Variants in ABHD17B observed in about 807,000 individuals in gnomAD.
ABHD17B encodes abhydrolase domain containing 17B, depalmitoylase.
Under a neutral mutation model 26.2 loss-of-function variants are expected in ABHD17B, and 9 were observed. That is an observed-to-expected ratio of 0.34 (90% confidence interval 0.21 to 0.60). ABHD17B has a LOEUF of 0.60. ABHD17B is among the 20% of genes least tolerant of loss of function. ABHD17B has a pLI of 0.80. For missense variants in ABHD17B, 224 were observed against 352.1 expected (o/e 0.64, Z 2.91); for synonymous variants, 127 against 122.3 (o/e 1.04, Z -0.25).
chr9:71,866,597 C>G lies in ABHD17B; in HGVS notation c.*190G>C. On this transcript the variant is annotated 3_prime_UTR_variant, in exon 4 of 4. Coordinates refer to ENST00000333421, the MANE Select transcript of ABHD17B (RefSeq NM_001025780.3). ...ATATAAATTACACAGCCTGACTGCA[C>G]GGTACTGTTATTTCCAGTTTTTAGT... The G allele has an allele frequency of 1.4e-6, 2 of 1,415,822 alleles. No individual in the cohort carries two copies. Among genetic ancestry groups the G allele is most frequent in the Non-Finnish European group, 1.8e-6 (2 of 1,089,608 alleles). The allele number at this position is 1,415,822 out of a possible 1,614,324, so 87.7% of individuals were successfully genotyped here.
At chr9:71,862,654 ATC>A, downstream of ABHD17B, 1 of 856,656 alleles carries the variant, frequency 1.2e-6, no homozygotes, top group Non-Finnish European at 2.0e-6. Context: ...AGTTTTCATA[ATC>A]TGAGTTTATG....
intron 1 of ABHD17B, among the ~76,000 whole-genome samples, chr9:71,899,715 C>T (rs1047921176): frequency 2.6e-5 from 4 of 152,146 alleles, no homozygotes; most frequent in Admixed American, 2.0e-4. Flanking sequence ...AAATAATGCA[C>T]TATGAGACAT....
At chr9:71,873,340 T>G (rs992981738) in intron 2 of ABHD17B, among the ~76,000 whole-genome samples, 4 of 152,198 alleles carry the variant, frequency 2.6e-5, no homozygotes. Context: ...TGTATGCTGC[T>G]ATAATCAAAG....
intron 1 of ABHD17B, among the ~76,000 whole-genome samples, chr9:71,887,061 G>T (rs1048144509): frequency 2.6e-5 from 4 of 152,024 alleles, no homozygotes; most frequent in Non-Finnish European, 4.4e-5. Flanking sequence ...TGTGGGTTTT[G>T]TTGGGGTAAA....
At chr9:71,885,591 GA>G (rs1395202571) in intron 1 of ABHD17B, among the ~76,000 whole-genome samples, 1 of 151,960 alleles carries the variant, frequency 6.6e-6, no homozygotes, top group African/African-American at 2.4e-5. Flanking sequence ...AAAATTGTAT[GA>G]AATAATAATT....
intron 1 of ABHD17B, among the ~76,000 whole-genome samples, chr9:71,908,648 C>A (rs181270287): frequency 1.3e-5 from 2 of 152,252 alleles, no homozygotes; most frequent in East Asian, 3.9e-4. Flanking sequence ...AATCTTAATA[C>A]GGAAGAAATT....
chr9:71,885,753 G>A (rs1449191104), intron 1 of ABHD17B, among the ~76,000 whole-genome samples: 2 of 151,978 alleles, frequency 1.3e-5, no homozygotes, highest in Admixed American at 6.6e-5. Flanking sequence ...CTCTTCTAAC[G>A]TAAGAAATTA....
chr9:71,904,000 T>C (rs968165315), intron 1 of ABHD17B, among the ~76,000 whole-genome samples: 2 of 152,096 alleles, frequency 1.3e-5, no homozygotes, highest in Non-Finnish European at 2.9e-5. Flanking sequence ...GGAACACAGG[T>C]TTCACTTAAA....
chr9:71,897,803 C>G (rs193050396), intron 1 of ABHD17B, among the ~76,000 whole-genome samples: 2 of 152,318 alleles, frequency 1.3e-5, no homozygotes, highest in Admixed American at 1.3e-4. Context: ...ATCTCTACCA[C>G]TTCCTTTTCC....
chr9:71,896,190 C>T (rs190039255), intron 1 of ABHD17B, among the ~76,000 whole-genome samples: 234 of 152,326 alleles, frequency 1.5e-3, no homozygotes, highest in Non-Finnish European at 2.7e-3. Flanking sequence ...TCTTAATCTA[C>T]TCATATCTTG....
At chr9:71,887,678 A>C (rs1826653461) in intron 1 of ABHD17B, among the ~76,000 whole-genome samples, 1 of 152,232 alleles carries the variant, frequency 6.6e-6, no homozygotes, top group South Asian at 2.1e-4. Flanking sequence ...CAGACAATCC[A>C]GAACAAACAG....
intron 1 of ABHD17B, among the ~76,000 whole-genome samples, chr9:71,877,051 T>C (rs1826297843): frequency 6.6e-6 from 1 of 152,226 alleles, no homozygotes; most frequent in Non-Finnish European, 1.5e-5. Context: ...AGTGTTGTGC[T>C]GAGAATGATT....
At chr9:71,904,862 A>C (rs1468577166) in intron 1 of ABHD17B, among the ~76,000 whole-genome samples, 1 of 152,220 alleles carries the variant, frequency 6.6e-6, no homozygotes, top group Admixed American at 6.5e-5. Context: ...AACATAAAAA[A>C]TTACCTAATT....
Position 71,865,928 on chromosome 9 carries a change from C to T in ABHD17B, c.*859G>A. 1.0e-6 allele frequency: 1 copy of T among 985,380 alleles called. No individual in the cohort carries two copies. Among genetic ancestry groups the T allele is most frequent in the Non-Finnish European group, 1.2e-6 (1 of 829,914 alleles). The allele number at this position is 985,380 out of a possible 1,614,324, so 61.0% of individuals were successfully genotyped here. Reference sequence around the variant, plus strand: ...CCAGTCTGTTAGTGGTCTTTAAGATCAACTCATGGACTTTCGGGATTTCAT... The same window carrying T: ...CCAGTCTGTTAGTGGTCTTTAAGATTAACTCATGGACTTTCGGGATTTCAT... On this transcript the variant is annotated 3_prime_UTR_variant, in exon 4 of 4. Coordinates refer to ENST00000333421, the MANE Select transcript of ABHD17B (RefSeq NM_001025780.3).
intron 1 of ABHD17B, among the ~76,000 whole-genome samples, chr9:71,883,641 A>C (rs190216586): frequency 1.2e-4 from 19 of 152,214 alleles, no homozygotes; most frequent in African/African-American, 4.1e-4. Context: ...ATTTCTCTTA[A>C]ATGAAAAATG....
chr9:71,869,721 C>T lies in ABHD17B; in HGVS notation c.647+362G>A, dbSNP rs905119458. On this transcript the variant is annotated intron_variant, in intron 3 of 3. Coordinates refer to ENST00000333421, the MANE Select transcript of ABHD17B (RefSeq NM_001025780.3). ...ACTGGATGGCCCTATCCATTAGCACCTCAGGGCAGAAACATGGTAGTCATG... is the reference window on the plus strand; with the variant it reads ...ACTGGATGGCCCTATCCATTAGCACTTCAGGGCAGAAACATGGTAGTCATG... 2.0e-5 allele frequency among the ~76,000 whole-genome samples: 3 copies of T among 152,110 alleles called. No homozygotes were observed. In the South Asian group the frequency reaches 6.2e-4, roughly 32 times the overall value.
intron 1 of ABHD17B, among the ~76,000 whole-genome samples, chr9:71,908,932 T>G (rs1167776580): frequency 2.0e-5 from 3 of 152,098 alleles, no homozygotes; most frequent in African/African-American, 7.2e-5. Context: ...GTGCCTGGAG[T>G]TGTAGACCAA....
chr9:71,901,800 A>C (rs1201884755), intron 1 of ABHD17B, among the ~76,000 whole-genome samples: 1 of 152,142 alleles, frequency 6.6e-6, no homozygotes, highest in Admixed American at 6.6e-5. Flanking sequence ...CTTTTCAATG[A>C]ATGTTATAAA....
At chr9:71,890,077 C>G (rs1445972317) in intron 1 of ABHD17B, among the ~76,000 whole-genome samples, 1 of 151,884 alleles carries the variant, frequency 6.6e-6, no homozygotes, top group East Asian at 1.9e-4. Flanking sequence ...GCCTGGCCAA[C>G]ATGGTGAGAC....
Sources: allele counts gnomAD v4.1 joint callset (sites outside exome capture counted in the v4.1 genomes callset), GRCh38; gene constraint gnomAD v4.1.1; transcripts MANE v1.5; gene names NCBI Gene and HGNC (gene_info 2026-07-23, HGNC 2026-07-21).